The following ANKRD40 variants were observed in gnomAD, a reference collection of about 807,000 sequenced individuals.
ANKRD40 encodes ankyrin repeat domain 40.
A neutral mutation model predicts 35.5 loss-of-function variants in ANKRD40; 24 were observed. The observed-to-expected ratio is 0.68, with a 90% CI of 0.49 to 0.95. The LOEUF is 0.95. ANKRD40 is among the 40% of genes least tolerant of loss of function. The pLI, the probability that ANKRD40 is intolerant of heterozygous loss-of-function variation, is 0.00. For missense variants in ANKRD40, 361 were observed against 436.0 expected, an observed-to-expected ratio of 0.83 and a Z score of 1.53; for synonymous variants, 147 against 173.5, an observed-to-expected ratio of 0.85 and a Z score of 1.20.
At chr17:50,698,985 C>CAAAAAAAAAAAAAAAAAAAA (rs5820829) in intron 3 of ANKRD40, among the ~76,000 whole-genome samples, 1 of 69,614 alleles carries the variant, frequency 1.4e-5, no homozygotes, top group Non-Finnish European at 2.6e-5. Flanking sequence ...ACTAAAAATA[C>CAAAAAAAAAAAAAAAAAAAA]AAAAAAAAAA....
intron 1 of ANKRD40, among the ~76,000 whole-genome samples, chr17:50,701,469 T>G (rs1381248061): frequency 6.6e-6 from 1 of 152,180 alleles, no homozygotes; most frequent in East Asian, 1.9e-4. Context: ...TAAGTAAAAC[T>G]AATCACTCAA....
At position 50,696,051 on chromosome 17, in the gene ANKRD40, G is replaced by A. The variant is rs1968197328; in HGVS notation, c.1053C>T (p.Ser351=). 7.4e-6 allele frequency: 12 copies of A among 1,614,160 alleles called. No homozygotes were observed. Among genetic ancestry groups the A allele is most frequent in the South Asian group, 1.1e-5 (1 of 91,084 alleles). Residue 351 remains serine (S), a synonymous_variant, in exon 5 of 5, where the codon TCC becomes TCT. Coordinates refer to ENST00000285243, the MANE Select transcript of ANKRD40 (RefSeq NM_052855.4). ...ENNFLFRNAA[S]TLTERPCYNR... ...TATAGCAAGGCCTTTCAGTCAGTGT[G>A]GATGCAGCATTTCTGAACAGAAAAT...
chr17:50,701,828 C>A (rs1395712105), intron 1 of ANKRD40, among the ~76,000 whole-genome samples: 1 of 152,128 alleles, frequency 6.6e-6, no homozygotes, highest in Non-Finnish European at 1.5e-5. Flanking sequence ...TTATATGATT[C>A]CAGGAAAAAG....
rs1315989909 is a variant in ANKRD40, at chr17:50,707,007, G to A, written c.134+514C>T. On this transcript the variant is annotated intron_variant, in intron 1 of 4. Coordinates refer to ENST00000285243, the MANE Select transcript of ANKRD40 (RefSeq NM_052855.4). This position sits in a 1 kb window ranked among gnomAD's most constrained non-coding sequence, Gnocchi z 4.8. Reference sequence around the variant, plus strand: ...CAACTACAGGCAGCAGCAGCAAATCGGTTGCAGTGAAACAACAGAGAAGCA... The same window carrying A: ...CAACTACAGGCAGCAGCAGCAAATCAGTTGCAGTGAAACAACAGAGAAGCA... Among the ~76,000 whole-genome samples, 4 of 150,926 alleles carry A rather than the reference G, an allele frequency of 2.7e-5. No individual in the cohort carries two copies. The highest frequency in any genetic ancestry group is 1.3e-4 in the Admixed American group (2 of 15,128).
At chr17:50,698,685 C>T (rs1968228115) in intron 3 of ANKRD40, among the ~76,000 whole-genome samples, 1 of 152,032 alleles carries the variant, frequency 6.6e-6, no homozygotes, top group Non-Finnish European at 1.5e-5. Flanking sequence ...ACAGATAGTA[C>T]TATTTCTGTA....
intron 1 of ANKRD40, among the ~76,000 whole-genome samples, chr17:50,702,514 G>T (rs1968283947): frequency 6.6e-6 from 1 of 152,174 alleles, no homozygotes; most frequent in African/African-American, 2.4e-5. Context: ...GTGTGTTTGT[G>T]TGTGGATGTC....
rs1968354048 is a variant in ANKRD40 at position 50,707,468 on chromosome 17, C to A, written c.134+53G>T. On this transcript the variant is annotated intron_variant, in intron 1 of 4. Coordinates refer to ENST00000285243, the MANE Select transcript of ANKRD40 (RefSeq NM_052855.4). This position sits in a 1 kb window ranked among gnomAD's most constrained non-coding sequence, Gnocchi z 4.8. ...GGGCCCAGGTCGCGACTGACTGCCCCACGCCTTCCGACCGGCTGCCCTGAC... is the reference window on the plus strand; with the variant it reads ...GGGCCCAGGTCGCGACTGACTGCCCAACGCCTTCCGACCGGCTGCCCTGAC... The A allele has an allele frequency of 8.2e-6, 13 of 1,577,088 alleles. No individual in the cohort carries two copies. The highest frequency in any genetic ancestry group is 1.1e-5 in the Non-Finnish European group (13 of 1,162,514).
rs1968187259 is a variant in ANKRD40, at chr17:50,695,428, G to A, written c.*569C>T. 6.6e-6 allele frequency: 1 copy of A among 152,610 alleles called. No individual in the cohort carries two copies. Among genetic ancestry groups the A allele is most frequent in the Admixed American group, 6.5e-5 (1 of 15,270 alleles). 9.5% of individuals were successfully genotyped at this position (152,610 alleles called of 1,614,324 possible). On this transcript the variant is annotated 3_prime_UTR_variant, in exon 5 of 5. Transcript: ENST00000285243. ...GTATTCTTAAATACTTTTAACCTGAGTAACATTTATAAATATGTTATAGGA... is the reference window on the plus strand; with the variant it reads ...GTATTCTTAAATACTTTTAACCTGAATAACATTTATAAATATGTTATAGGA...
intron 1 of ANKRD40, among the ~76,000 whole-genome samples, chr17:50,701,519 GCTA>G (rs754006241): frequency 1.4e-4 from 22 of 152,122 alleles, no homozygotes; most frequent in Admixed American, 2.6e-4. Flanking sequence ...ACTCTGAAGG[GCTA>G]CTATTTTAAT....
Position 50,693,774 on chromosome 17 carries a change from G to T in ANKRD40, c.*2223C>A, listed in dbSNP as rs9455. ...TTAACTTTATTAGTAAACTGTAACTGTTTTAGAAGTAAAGAAAAAAAAGGT... is the reference window on the plus strand; with the variant it reads ...TTAACTTTATTAGTAAACTGTAACTTTTTTAGAAGTAAAGAAAAAAAAGGT... On this transcript the variant is annotated 3_prime_UTR_variant, in exon 5 of 5. Transcript: ENST00000285243. 0.65 allele frequency: 98,990 copies of T among 152,064 alleles called. 33,085 individuals are homozygous for T. Among genetic ancestry groups the T allele is most frequent in the African/African-American group, 0.76 (31,616 of 41,476 alleles). The allele number at this position is 152,064 out of a possible 1,614,324, so 9.4% of individuals were successfully genotyped here. A position where few individuals can be genotyped will look rare whatever the true frequency, so the allele number is the denominator to read the frequency against.
rs1968354441 is a variant in ANKRD40 at position 50,707,491 on chromosome 17, G to A, written c.134+30C>T. 1.9e-6 allele frequency: 3 copies of A among 1,594,628 alleles called. No individual in the cohort carries two copies. The East Asian group carries it at 7.2e-5, about 38-fold the overall frequency. On this transcript the variant is annotated intron_variant, in intron 1 of 4. Transcript: ENST00000285243. The surrounding 1 kb of genome is among the most constrained non-coding windows in gnomAD (Gnocchi z 4.8). ...CCCACGCCTTCCGACCGGCTGCCCT[G>A]ACCCTAGGCCTCCCCCGCTCCCCAC...
rs1968352009 is a variant in ANKRD40, at chr17:50,707,271, G to A, written c.134+250C>T. Among the ~76,000 whole-genome samples, 1 of 152,174 alleles carries A rather than the reference G, an allele frequency of 6.6e-6. No homozygotes were observed. The highest frequency in any genetic ancestry group is 1.5e-5 in the Non-Finnish European group (1 of 68,014). On this transcript the variant is annotated intron_variant, in intron 1 of 4. Coordinates refer to ENST00000285243, the MANE Select transcript of ANKRD40 (RefSeq NM_052855.4). The surrounding 1 kb of genome is among the most constrained non-coding windows in gnomAD (Gnocchi z 4.8). The stretch of plus-strand genomic sequence containing the variant: ...GTGAGCCGGGAGCGCGGGGGAAGGG[G>A]GTAGGGCACCAGAGTCCCAGTGGGC...
intron 3 of ANKRD40, among the ~76,000 whole-genome samples, chr17:50,698,985 CAAAAAAAAAAA>C (rs5820829): frequency 1.0e-4 from 7 of 69,606 alleles, no homozygotes; most frequent in African/African-American, 3.0e-4. Context: ...ACTAAAAATA[CAAAAAAAAAAA>C]AAAAAAAAAA....
At chr17:50,697,206 T>C (rs1186388963) in intron 3 of ANKRD40, 85 bp from the exon 4 acceptor site, 1 of 1,281,372 alleles carries the variant, frequency 7.8e-7, no homozygotes. Flanking sequence ...AAGATGGTTA[T>C]ACTTAATCAT....
intron 1 of ANKRD40, among the ~76,000 whole-genome samples, chr17:50,703,238 C>A (rs1198928338): frequency 6.6e-6 from 1 of 152,164 alleles, no homozygotes; most frequent in African/African-American, 2.4e-5. Flanking sequence ...ATGGCTAATA[C>A]AGGTATAATG....
At chr17:50,702,011 A>G (rs1968278169) in intron 1 of ANKRD40, among the ~76,000 whole-genome samples, 1 of 152,212 alleles carries the variant, frequency 6.6e-6, no homozygotes. Flanking sequence ...AATTATTGCT[A>G]ATTTGGGAAA....
In ANKRD40 at chr17:50,696,041, C is replaced by G. The variant is rs1968197135; in HGVS notation, c.1063G>C (p.Glu355Gln). The change falls in exon 5 of 5, where the codon GAA (glutamate) becomes CAA (glutamine). Residue 355 changes from glutamate (E) to glutamine (Q), a missense_variant. Physicochemically the swap from Glu to Gln is conservative, Grantham distance 29 (BLOSUM62 2). This residue lies in a region of ANKRD40 where 93 missense variants were observed against 129.6 expected (regional missense o/e 0.72). Transcript: ENST00000285243. ...LFRNAASTLT[E>Q]RPCYNRRASK... ...GCTCTCCTGTTATAGCAAGGCCTTTCAGTCAGTGTGGATGCAGCATTTCTG... is the reference window on the plus strand; with the variant it reads ...GCTCTCCTGTTATAGCAAGGCCTTTGAGTCAGTGTGGATGCAGCATTTCTG... 1 of 1,614,084 alleles carries G rather than the reference C, an allele frequency of 6.2e-7. No individual in the cohort carries two copies. The highest frequency in any genetic ancestry group is 1.1e-5 in the South Asian group (1 of 91,090).
chr17:50,707,396 C>T lies in ANKRD40; in HGVS notation c.134+125G>A. The T allele has an allele frequency of 1.4e-6, 2 of 1,405,044 alleles. No homozygotes were observed. The highest frequency in any genetic ancestry group is 1.9e-6 in the Non-Finnish European group (2 of 1,046,136). 87.0% of individuals were successfully genotyped at this position (1,405,044 alleles called of 1,614,324 possible). On this transcript the variant is annotated intron_variant, in intron 1 of 4. Coordinates refer to ENST00000285243, the MANE Select transcript of ANKRD40 (RefSeq NM_052855.4). This position sits in a 1 kb window ranked among gnomAD's most constrained non-coding sequence, Gnocchi z 4.8. ...GGCTGGCCTCAAGAGAGCACAATCT[C>T]GGAGGCCCGAGGTGGCAGGCCTCGC...
Position 50,707,381 on chromosome 17 carries a change from A to G in ANKRD40, c.134+140T>C, listed in dbSNP as rs1968353144. On this transcript the variant is annotated intron_variant, in intron 1 of 4. Coordinates refer to ENST00000285243, the MANE Select transcript of ANKRD40 (RefSeq NM_052855.4). This position sits in a 1 kb window ranked among gnomAD's most constrained non-coding sequence, Gnocchi z 4.8. Reference sequence around the variant, plus strand: ...AGGCATGGGGGCCAGGGCTGGCCTCAAGAGAGCACAATCTCGGAGGCCCGA... The same window carrying G: ...AGGCATGGGGGCCAGGGCTGGCCTCGAGAGAGCACAATCTCGGAGGCCCGA... 3 of 1,312,626 alleles carry G rather than the reference A, an allele frequency of 2.3e-6. No individual in the cohort carries two copies. The highest frequency in any genetic ancestry group is 3.1e-6 in the Non-Finnish European group (3 of 972,948). The allele number at this position is 1,312,626 out of a possible 1,614,324, so 81.3% of individuals were successfully genotyped here.
Sources: gnomAD v4.1 joint callset for allele counts (sites outside exome capture counted in the v4.1 genomes callset) on GRCh38, gnomAD v4.1.1 for gene constraint, gnomAD v4.1.1 regional missense constraint, Gnocchi (gnomAD v3.1) non-coding constraint, MANE v1.5 for transcripts, NCBI Gene and HGNC (gene_info 2026-07-23, HGNC 2026-07-21) for gene names.